Variants in RBFOX1 observed in about 807,000 individuals in gnomAD.
The protein encoded by RBFOX1 is RNA binding fox-1 homolog 1.
Under a neutral mutation model 57.7 loss-of-function variants are expected in RBFOX1, and 8 were observed. That is an observed-to-expected ratio of 0.14 (90% CI 0.08 to 0.25). RBFOX1 has a LOEUF of 0.25. Among genes scored for constraint, RBFOX1 ranks in the 10% least tolerant of loss-of-function variants. RBFOX1 has a pLI of 1.00. For missense variants in RBFOX1, 611 were observed against 548.5 expected, an observed-to-expected ratio of 1.11 and a Z score of -1.14; for synonymous variants, 326 against 222.4, an observed-to-expected ratio of 1.47 and a Z score of -4.15.
intron 1 of RBFOX1, among the ~76,000 whole-genome samples, chr16:5,303,312 T>C (rs1321324640): frequency 6.6e-6 from 1 of 152,214 alleles, no homozygotes; most frequent in Non-Finnish European, 1.5e-5. Context: ...CTGTGGCACA[T>C]GAGCTGCACA....
chr16:7,418,881 GTT>G (rs56322019), intron 4 of RBFOX1, among the ~76,000 whole-genome samples: 1 of 151,516 alleles, frequency 6.6e-6, no homozygotes, highest in Non-Finnish European at 1.5e-5. Context: ...AAGAGTCGAG[GTT>G]TTTTTTTGTT....
At chr16:5,745,131 C>T (rs906301782) in intron 3 of RBFOX1, among the ~76,000 whole-genome samples, 1 of 152,122 alleles carries the variant, frequency 6.6e-6, no homozygotes, top group Non-Finnish European at 1.5e-5. Context: ...TGTGATGTTC[C>T]CCTTCTGTGT....
intron 5 of RBFOX1, among the ~76,000 whole-genome samples, chr16:7,525,268 T>C (rs1053961359): frequency 1.3e-5 from 2 of 152,166 alleles, no homozygotes; most frequent in Non-Finnish European, 2.9e-5. Context: ...TTCTGTATCA[T>C]ATTTAGGGGT....
intron 3 of RBFOX1, among the ~76,000 whole-genome samples, chr16:6,715,022 A>G (rs2064497784): frequency 6.6e-6 from 1 of 152,134 alleles, no homozygotes; most frequent in African/African-American, 2.4e-5. Flanking sequence ...TCTAGGAAGG[A>G]GGGGTAACTG....
chr16:5,595,716 T>C (rs536670258), intron 2 of RBFOX1, among the ~76,000 whole-genome samples: 16 of 152,338 alleles, frequency 1.1e-4, no homozygotes, highest in Non-Finnish European at 2.2e-4. Context: ...CTCTTGGCTC[T>C]GTTTCCCCAA....
At chr16:7,442,820 C>A (rs972888435) in intron 4 of RBFOX1, among the ~76,000 whole-genome samples, 3 of 152,104 alleles carry the variant, frequency 2.0e-5, no homozygotes, top group Non-Finnish European at 2.9e-5. Flanking sequence ...GTCAGGGTGG[C>A]TGGGTGATTT....
At chr16:5,454,280 C>A (rs1246950498) in intron 1 of RBFOX1, among the ~76,000 whole-genome samples, 2 of 152,206 alleles carry the variant, frequency 1.3e-5, no homozygotes, top group East Asian at 1.9e-4. Flanking sequence ...TCCAGTGTTG[C>A]ATTGCTGTGT....
chr16:5,856,559 G>GTC, intron 3 of RBFOX1, among the ~76,000 whole-genome samples: 1 of 52,034 alleles, frequency 1.9e-5, no homozygotes, highest in East Asian at 5.2e-4. Flanking sequence ...GTGTGTGTGT[G>GTC]TGTATGTGTG....
intron 3 of RBFOX1, among the ~76,000 whole-genome samples, chr16:6,963,772 C>G (rs753349501): frequency 3.9e-5 from 6 of 151,990 alleles, no homozygotes; most frequent in Non-Finnish European, 8.8e-5. Context: ...GATCTCGGCT[C>G]ACTGCAAGCT....
At chr16:5,799,700 T>C (rs2054997061) in intron 3 of RBFOX1, among the ~76,000 whole-genome samples, 1 of 152,178 alleles carries the variant, frequency 6.6e-6, no homozygotes, top group African/African-American at 2.4e-5. Flanking sequence ...GTTCGGTTGG[T>C]GAGGCATATT....
intron 4 of RBFOX1, among the ~76,000 whole-genome samples, chr16:7,106,519 C>A (rs1271238044): frequency 6.6e-6 from 1 of 152,106 alleles, no homozygotes; most frequent in East Asian, 1.9e-4. Context: ...ATTAATTCTG[C>A]ACTACTTGTT....
chr16:7,546,255 G>A (rs2084490907), intron 5 of RBFOX1, among the ~76,000 whole-genome samples: 1 of 151,852 alleles, frequency 6.6e-6, no homozygotes, highest in African/African-American at 2.4e-5. Context: ...TGAACCCGGA[G>A]GGTGGAGGTT....
chr16:7,019,447 G>A (rs1345539680), intron 3 of RBFOX1, among the ~76,000 whole-genome samples: 1 of 152,044 alleles, frequency 6.6e-6, no homozygotes, highest in African/African-American at 2.4e-5. Context: ...TGCTGTTGTA[G>A]GTTTTGCTAA....
At chr16:7,181,316 C>T (rs971243045) in intron 4 of RBFOX1, among the ~76,000 whole-genome samples, 3 of 152,132 alleles carry the variant, frequency 2.0e-5, no homozygotes, top group African/African-American at 4.8e-5. Context: ...AAAGAAATTC[C>T]ATGTCATCCT....
Position 5,413,441 on chromosome 16 carries a change from C to G in RBFOX1, c.220-53775C>G, listed in dbSNP as rs181695469. ...TGGTATCCATGTAGCTATTTAAATT[C>G]AAATAATTAAAATACAATAAAATTC... is the stretch of plus-strand genomic sequence containing the variant. On this transcript the variant is annotated intron_variant, in intron 1 of 2. Coordinates refer to the RBFOX1 transcript ENST00000585867. 1.6e-4 allele frequency among the ~76,000 whole-genome samples: 25 copies of G among 152,276 alleles called. No homozygotes were observed. In the East Asian group the frequency reaches 1.9e-3, roughly 12 times the overall value.
intron 4 of RBFOX1, among the ~76,000 whole-genome samples, chr16:7,144,007 A>C (rs1222283713): frequency 6.6e-6 from 1 of 152,134 alleles, no homozygotes; most frequent in African/African-American, 2.4e-5. Context: ...TGGAACATTC[A>C]TAGTTTGGTT....
rs576818604 is a variant in RBFOX1 at position 6,417,005 on chromosome 16, C to T, written c.-64+99948C>T. On this transcript the variant is annotated intron_variant, in intron 2 of 15. Transcript: ENST00000550418. ...TTACCTTAAATTTGTGCAGATCATTCCTCTTTCTTTCTTTTTATTTTTTTG... is the reference window on the plus strand; with the variant it reads ...TTACCTTAAATTTGTGCAGATCATTTCTCTTTCTTTCTTTTTATTTTTTTG... Among the ~76,000 whole-genome samples the T allele has an allele frequency of 3.3e-5, 5 of 151,792 alleles. No homozygotes were observed. In the South Asian group the frequency reaches 8.4e-4, roughly 25 times the overall value.
chr16:7,651,660 G>C (rs1437710467), intron 11 of RBFOX1, among the ~76,000 whole-genome samples: 2 of 152,166 alleles, frequency 1.3e-5, no homozygotes, highest in Admixed American at 6.5e-5. Flanking sequence ...ATAGAGGGTG[G>C]AGACAACTTT....
chr16:5,262,751 G>T (rs1431242826), intron 1 of RBFOX1, among the ~76,000 whole-genome samples: 8 of 152,218 alleles, frequency 5.3e-5, no homozygotes, highest in Non-Finnish European at 4.4e-5. Flanking sequence ...GAGGGTTTGG[G>T]AAGACTGGGG....
Sources: allele counts gnomAD v4.1 joint callset (sites outside exome capture counted in the v4.1 genomes callset), GRCh38; gene constraint gnomAD v4.1.1; transcripts MANE v1.5; gene names NCBI Gene and HGNC (gene_info 2026-07-23, HGNC 2026-07-21).